TSPAN9: variants seen among roughly 807,000 people sequenced by gnomAD.
TSPAN9 encodes tetraspanin 9.
TSPAN9 carries 16 observed loss-of-function variants against 31.0 expected under a neutral mutation model. The ratio of observed to expected loss-of-function variants is 0.52; its 90% CI spans 0.35 to 0.78. TSPAN9 has a LOEUF of 0.78. Among genes scored for constraint, TSPAN9 ranks in the 30% least tolerant of loss-of-function variants. TSPAN9 has a pLI of 0.01. For missense variants in TSPAN9, 272 were observed against 312.5 expected (o/e 0.87, Z 0.98); for synonymous variants, 145 against 121.6 (o/e 1.19, Z -1.27).
chr12:3,191,977 A>T (rs940981614), intron 2 of TSPAN9, among the ~76,000 whole-genome samples: 8 of 152,216 alleles, frequency 5.3e-5, no homozygotes, highest in African/African-American at 1.7e-4. Context: ...ACAAGAGCTC[A>T]GGGGTGAGTA....
chr12:3,281,749 G>T lies in TSPAN9; in HGVS notation c.580G>T (p.Val194Leu). 6.2e-7 allele frequency: 1 copy of T among 1,613,652 alleles called. No individual in the cohort carries two copies. Among genetic ancestry groups the T allele is most frequent in the Non-Finnish European group, 8.5e-7 (1 of 1,179,562 alleles). ...CGCTCCCCAGGGCTGCTATGAAAAGGTGAAGATGTGGTTCGATGACAATAA... is the reference window on the plus strand; with the variant it reads ...CGCTCCCCAGGGCTGCTATGAAAAGTTGAAGATGTGGTTCGATGACAATAA... ...PLWRTGCYEKVKMWFDDNKHV... is the reference protein window; with the variant it reads ...PLWRTGCYEKLKMWFDDNKHV... The change falls in exon 8 of 9, where the codon GTG becomes TTG. Residue 194 changes from valine (V) to leucine (L), a missense_variant. Transcript: ENST00000011898.
chr12:3,270,775 G>A (rs1277376729), intron 3 of TSPAN9, among the ~76,000 whole-genome samples: 3 of 152,264 alleles, frequency 2.0e-5, no homozygotes, highest in Non-Finnish European at 2.9e-5. Context: ...CTCCTTCATC[G>A]TGGACTCTTC....
intron 3 of TSPAN9, among the ~76,000 whole-genome samples, chr12:3,249,551 C>A (rs1021567482): frequency 6.6e-6 from 1 of 152,194 alleles, no homozygotes; most frequent in African/African-American, 2.4e-5. Context: ...GTACCTTGGT[C>A]GTCTGTGCCC....
chr12:3,119,440 C>T (rs558263839), intron 2 of TSPAN9, among the ~76,000 whole-genome samples: 75 of 152,290 alleles, frequency 4.9e-4, no homozygotes, highest in Middle Eastern at 6.8e-3. Flanking sequence ...GTCTGAGCTT[C>T]GCCAGGCCTG....
chr12:3,229,166 A>C (rs936854468), intron 3 of TSPAN9, among the ~76,000 whole-genome samples: 1 of 152,216 alleles, frequency 6.6e-6, no homozygotes, highest in African/African-American at 2.4e-5. Context: ...AACCCATGGC[A>C]TAGAGCATCC....
chr12:3,147,587 G>A lies in TSPAN9; in HGVS notation c.-17-53590G>A, dbSNP rs111306790. On this transcript the variant is annotated intron_variant, in intron 2 of 8. Transcript: ENST00000011898. This position sits in a 1 kb window ranked among gnomAD's most constrained non-coding sequence, Gnocchi z 4.3. Reference sequence around the variant, plus strand: ...GAACCAGCCAGCCCAGTGCTGCAACGATGGAAGTGTTCTGTTCTGTACCGC... The same window carrying A: ...GAACCAGCCAGCCCAGTGCTGCAACAATGGAAGTGTTCTGTTCTGTACCGC... Among the ~76,000 whole-genome samples, 20 of 152,176 alleles carry A rather than the reference G, an allele frequency of 1.3e-4. No homozygotes were observed. The highest frequency in any genetic ancestry group is 3.9e-4 in the African/African-American group (16 of 41,442).
intron 1 of TSPAN9, among the ~76,000 whole-genome samples, chr12:3,081,808 T>TTGTGTGTGTGTGTG (rs985080707): frequency 1.7e-5 from 1 of 58,462 alleles, no homozygotes; most frequent in African/African-American, 6.2e-5. Context: ...ATCTAAAAAA[T>TTGTGTGTGTGTGTG]TGTGTGTGTG....
intron 2 of TSPAN9, among the ~76,000 whole-genome samples, chr12:3,196,335 C>T (rs1317429558): frequency 6.6e-6 from 1 of 152,176 alleles, no homozygotes; most frequent in Non-Finnish European, 1.5e-5. Flanking sequence ...AGCACTGCCC[C>T]TTCCTCAGGG....
intron 2 of TSPAN9, among the ~76,000 whole-genome samples, chr12:3,121,527 T>C (rs1024516398): frequency 1.4e-5 from 2 of 138,994 alleles, no homozygotes; most frequent in Non-Finnish European, 3.0e-5. Flanking sequence ...ATCTGGCTAA[T>C]TAAAACTTTT....
Position 3,139,083 on chromosome 12 carries a change from C to G in TSPAN9, c.-18+55364C>G, listed in dbSNP as rs75292871. Reference sequence around the variant, plus strand: ...CCCCTCCCCAGAACCCACATCTGGCCCAAGTGCTCAGTTTTCTGGGCTGTA... The same window carrying G: ...CCCCTCCCCAGAACCCACATCTGGCGCAAGTGCTCAGTTTTCTGGGCTGTA... On this transcript the variant is annotated intron_variant, in intron 2 of 8. Transcript: ENST00000011898. 1.0e-2 allele frequency among the ~76,000 whole-genome samples: 1,516 copies of G among 152,320 alleles called. 24 individuals are homozygous for G. Among genetic ancestry groups the G allele is most frequent in the African/African-American group, 0.034 (1,421 of 41,570 alleles).
intron 2 of TSPAN9, among the ~76,000 whole-genome samples, chr12:3,108,702 C>T (rs2098315955): frequency 1.3e-5 from 2 of 152,176 alleles, no homozygotes; most frequent in Admixed American, 1.3e-4. Flanking sequence ...CTGGATTGGT[C>T]TTACAATTTT....
chr12:3,138,685 G>A (rs1487729311), intron 2 of TSPAN9, among the ~76,000 whole-genome samples: 1 of 151,988 alleles, frequency 6.6e-6, no homozygotes. Flanking sequence ...GTAGAGATGG[G>A]GTTTCGTCAT....
intron 3 of TSPAN9, among the ~76,000 whole-genome samples, chr12:3,214,793 G>C (rs76395357): frequency 6.6e-6 from 1 of 151,972 alleles, no homozygotes; most frequent in East Asian, 1.9e-4. Context: ...CAGAACTGTC[G>C]CGGCTCCTTC....
chr12:3,180,075 C>A (rs770181068), intron 2 of TSPAN9, among the ~76,000 whole-genome samples: 1 of 152,166 alleles, frequency 6.6e-6, no homozygotes, highest in Admixed American at 6.5e-5. Flanking sequence ...GTGGGCCATT[C>A]GTGTCACCAT....
chr12:3,237,177 G>T (rs1296414542), intron 3 of TSPAN9, among the ~76,000 whole-genome samples: 2 of 152,114 alleles, frequency 1.3e-5, no homozygotes, highest in East Asian at 3.9e-4. Flanking sequence ...CCAAATTTGG[G>T]CCACGGGGTC....
intron 3 of TSPAN9, among the ~76,000 whole-genome samples, chr12:3,248,953 C>G (rs504379): frequency 6.6e-6 from 1 of 152,218 alleles, no homozygotes; most frequent in African/African-American, 2.4e-5. Context: ...CATGCCGCCT[C>G]CCTGAGGCCC....
chr12:3,087,273 A>G (rs1390109832), intron 2 of TSPAN9, among the ~76,000 whole-genome samples: 1 of 152,156 alleles, frequency 6.6e-6, no homozygotes. Flanking sequence ...TAGGCCCAGC[A>G]CTTTCGGAGG....
intron 3 of TSPAN9, among the ~76,000 whole-genome samples, chr12:3,223,929 T>C (rs1173203087): frequency 6.6e-6 from 1 of 152,190 alleles, no homozygotes; most frequent in Admixed American, 6.5e-5. Flanking sequence ...CCTGAAATTC[T>C]GTGTCATTGG....
At chr12:3,199,967 C>G (rs966919510) in intron 2 of TSPAN9, 1 of 152,356 alleles carries the variant, frequency 6.6e-6, no homozygotes. Context: ...AGCTCGACAG[C>G]GGCCGCGCTT....
Sources: allele counts gnomAD v4.1 joint callset (sites outside exome capture counted in the v4.1 genomes callset), GRCh38; gene constraint gnomAD v4.1.1; non-coding constraint Gnocchi (gnomAD v3.1); transcripts MANE v1.5; gene names NCBI Gene and HGNC (gene_info 2026-07-23, HGNC 2026-07-21).